Variants in OR10Z1 observed in about 807,000 individuals in gnomAD.
OR10Z1 encodes the protein olfactory receptor 10Z1.
For synonymous variants in OR10Z1, 187 were observed against 151.2 expected, an observed-to-expected ratio of 1.24 and a Z score of -1.74; for missense variants, 468 against 371.0, an observed-to-expected ratio of 1.26 and a Z score of -2.15.
In OR10Z1 at chr1:158,607,045, A is replaced by G. The variant is rs1251252048; in HGVS notation, c.607A>G (p.Ser203Gly). 2.5e-6 allele frequency: 4 copies of G among 1,613,858 alleles called. No homozygotes were observed. Among genetic ancestry groups the G allele is most frequent in the Non-Finnish European group, 3.4e-6 (4 of 1,179,958 alleles). Residue 203 changes from serine (S) to glycine (G), a missense_variant, in exon 2 of 2, where the codon AGT (serine) becomes GGT (glycine). By Grantham distance (56) the Ser-to-Gly change is moderately conservative. Coordinates refer to ENST00000641002, the MANE Select transcript of OR10Z1 (RefSeq NM_001004478.2). ...GPSELRIFIL[S>G]LLVLLVSFFF... The stretch of plus-strand genomic sequence containing the variant: ...GAGTGAGCTGAGGATCTTTATCCTC[A>G]GTCTTTTGGTCCTCTTGGTCTCCTT...
At position 158,610,960 on chromosome 1, in the gene OR10Z1, G is replaced by A; in HGVS notation, c.*3580G>A. 3.5e-6 allele frequency: 1 copy of A among 285,960 alleles called. No individual in the cohort carries two copies. The highest frequency in any genetic ancestry group is 4.5e-5 in the South Asian group (1 of 22,298). The allele number at this position is 285,960 out of a possible 1,614,324, so 17.7% of individuals were successfully genotyped here. A position where few individuals can be genotyped will look rare whatever the true frequency, so the allele number is the denominator to read the frequency against. ...TTCTATAATCGGAATAAAGCAAAAT[G>A]ATAAAGACGTGCAAAACAGAACAAA... On this transcript the variant is annotated 3_prime_UTR_variant, in exon 2 of 2. Coordinates refer to ENST00000641002, the MANE Select transcript of OR10Z1 (RefSeq NM_001004478.2).
Position 158,606,612 on chromosome 1 carries a change from C to T in OR10Z1, c.174C>T (p.Pro58=). Reference sequence around the variant, plus strand: ...GGCTGGATAGCCATCTGCACACCCCCATGTACCTCTTCCTTTCCTTCCTAT... The same window carrying T: ...GGCTGGATAGCCATCTGCACACCCCTATGTACCTCTTCCTTTCCTTCCTAT... ...AIRLDSHLHT[P]MYLFLSFLSF... Residue 58 remains proline (P), a synonymous_variant, in exon 2 of 2, where the codon CCC becomes CCT. Transcript: ENST00000641002. 1 of 1,614,088 alleles carries T rather than the reference C, an allele frequency of 6.2e-7. No homozygotes were observed. The highest frequency in any genetic ancestry group is 8.5e-7 in the Non-Finnish European group (1 of 1,179,954).
Position 158,606,531 on chromosome 1 carries a change from C to T in OR10Z1, c.93C>T (p.Phe31=). Residue 31 remains phenylalanine, a synonymous_variant, in exon 2 of 2, where the codon TTC becomes TTT. Transcript: ENST00000641002. ...GELQLLLFAL[F]LSLYLVTLTS... is the part of the protein sequence containing the mutation. ...TGCAGCTCCTTCTCTTTGCCTTGTT[C>T]CTCTCTCTGTATCTAGTCACTCTGA... 6.2e-7 allele frequency: 1 copy of T among 1,613,904 alleles called. No homozygotes were observed. The highest frequency in any genetic ancestry group is 8.5e-7 in the Non-Finnish European group (1 of 1,179,860).
At position 158,610,947 on chromosome 1, in the gene OR10Z1, A is replaced by T. The variant is rs866250197; in HGVS notation, c.*3567A>T. ...AAGAATTACTTTATTCTATAATCGG[A>T]ATAAAGCAAAATGATAAAGACGTGC... is the stretch of plus-strand genomic sequence containing the variant. On this transcript the variant is annotated 3_prime_UTR_variant, in exon 2 of 2. Coordinates refer to ENST00000641002, the MANE Select transcript of OR10Z1 (RefSeq NM_001004478.2). 23 of 272,390 alleles carry T rather than the reference A, an allele frequency of 8.4e-5. No individual in the cohort carries two copies. The highest frequency in any genetic ancestry group is 5.1e-4 in the African/African-American group (23 of 45,222). 16.9% of individuals were successfully genotyped at this position (272,390 alleles called of 1,614,324 possible).
In OR10Z1 at chr1:158,611,197, T is replaced by C; in HGVS notation, c.*3817T>C. The C allele has an allele frequency of 1.9e-6, 3 of 1,589,136 alleles. No individual in the cohort carries two copies. Among genetic ancestry groups the C allele is most frequent in the Non-Finnish European group, 2.6e-6 (3 of 1,161,032 alleles). On this transcript the variant is annotated 3_prime_UTR_variant, in exon 2 of 2. Coordinates refer to ENST00000641002, the MANE Select transcript of OR10Z1 (RefSeq NM_001004478.2). The stretch of plus-strand genomic sequence containing the variant: ...CATCTTTATCTTCCACATTTGCCTG[T>C]ACTCTTTGCCCCCCAGTAAATTTCC...
Position 158,606,499 on chromosome 1 carries a change from G to A in OR10Z1, c.61G>A (p.Gly21Arg). ...TGTCTTCCTGGGCTTCTCCAGTTCT[G>A]GGGAGTTGCAGCTCCTTCTCTTTGC... ...DFVFLGFSSS[G>R]ELQLLLFALF... The change falls in exon 2 of 2, where the codon GGG becomes AGG. Residue 21 changes from glycine (G) to arginine (R), a missense_variant. Physicochemically the swap from Gly to Arg is moderately radical, Grantham distance 125. Transcript: ENST00000641002. The A allele has an allele frequency of 1.2e-6, 2 of 1,613,940 alleles. No individual in the cohort carries two copies. Among genetic ancestry groups the A allele is most frequent in the Non-Finnish European group, 1.7e-6 (2 of 1,179,906 alleles).
chr1:158,611,501 G>T lies in OR10Z1; in HGVS notation c.*4121G>T, dbSNP rs1004935477. The T allele has an allele frequency of 4.8e-6, 6 of 1,256,294 alleles. No individual in the cohort carries two copies. In the South Asian group the frequency reaches 5.3e-5, roughly 11 times the overall value. 77.8% of individuals were successfully genotyped at this position (1,256,294 alleles called of 1,614,324 possible). A position where few individuals can be genotyped will look rare whatever the true frequency, so the allele number is the denominator to read the frequency against. ...AGGAGATGGAGAGTCTCTGGAAGAC[G>T]CAAGCCCTATTTCTATTACACACAA... On this transcript the variant is annotated 3_prime_UTR_variant, in exon 2 of 2. Transcript: ENST00000641002.
rs576803383 is a variant in OR10Z1, at chr1:158,611,335, C to T, written c.*3955C>T. The T allele has an allele frequency of 2.4e-5, 38 of 1,613,768 alleles. No homozygotes were observed. In the African/African-American group the frequency reaches 4.7e-4, roughly 20 times the overall value. ...GAGAGATGGCTTCGACCCCGTGGGT[C>T]CATATATTGCTGCATATGTGTGGCA... On this transcript the variant is annotated 3_prime_UTR_variant, in exon 2 of 2. Coordinates refer to ENST00000641002, the MANE Select transcript of OR10Z1 (RefSeq NM_001004478.2).
rs1020778274 is a variant in OR10Z1 at position 158,612,449 on chromosome 1, C to G, written c.*5069C>G. On this transcript the variant is annotated 3_prime_UTR_variant, in exon 2 of 2. Coordinates refer to ENST00000641002, the MANE Select transcript of OR10Z1 (RefSeq NM_001004478.2). Reference sequence around the variant, plus strand: ...TACAGTGTTTTTAACTTGTAAAGTTCTGTCTTCCCCACTACACCTGAATTT... The same window carrying G: ...TACAGTGTTTTTAACTTGTAAAGTTGTGTCTTCCCCACTACACCTGAATTT... The G allele has an allele frequency of 9.9e-6, 3 of 302,550 alleles. No individual in the cohort carries two copies. Among genetic ancestry groups the G allele is most frequent in the Non-Finnish European group, 1.3e-5 (2 of 156,936 alleles). 18.7% of individuals were successfully genotyped at this position (302,550 alleles called of 1,614,324 possible). A position where few individuals can be genotyped will look rare whatever the true frequency, so the allele number is the denominator to read the frequency against.
Position 158,606,906 on chromosome 1 carries a change from A to G in OR10Z1, c.468A>G (p.Gly156=), listed in dbSNP as rs773240613. 20 of 1,613,772 alleles carry G rather than the reference A, an allele frequency of 1.2e-5. No homozygotes were observed. Among genetic ancestry groups the G allele is most frequent in the Non-Finnish European group, 1.7e-5 (20 of 1,179,924 alleles). Residue 156 remains glycine, a synonymous_variant, in exon 2 of 2, where the codon GGA becomes GGG. Transcript: ENST00000641002. ...CCTTCCTGACTGGATACCTCTTTGG[A>G]CTGGGAATGACACTAGTTATTTTCC... ...ITSFLTGYLF[G]LGMTLVIFHL...
chr1:158,606,711 T>C lies in OR10Z1; in HGVS notation c.273T>C (p.Ala91=). The part of the protein sequence containing the change: ...MLSGLAGGDQ[A]ISYVGCAAQM... ...CTGGCCTGGCTGGGGGGGACCAGGC[T>C]ATCTCCTATGTGGGCTGTGCTGCCC... is the stretch of plus-strand genomic sequence containing the variant. Residue 91 remains alanine, a synonymous_variant, in exon 2 of 2, where the codon GCT becomes GCC. Coordinates refer to ENST00000641002, the MANE Select transcript of OR10Z1 (RefSeq NM_001004478.2). 1 of 1,614,112 alleles carries C rather than the reference T, an allele frequency of 6.2e-7. No individual in the cohort carries two copies. Among genetic ancestry groups the C allele is most frequent in the Non-Finnish European group, 8.5e-7 (1 of 1,179,994 alleles).
rs375334486 is a variant in OR10Z1, at chr1:158,607,148, C to G, written c.710C>G (p.Ala237Gly). The G allele has an allele frequency of 1.2e-6, 2 of 1,614,006 alleles. No individual in the cohort carries two copies. Among genetic ancestry groups the G allele is most frequent in the Admixed American group, 1.7e-5 (1 of 60,002 alleles). The change falls in exon 2 of 2, where the codon GCC becomes GGC. Residue 237 changes from alanine (A) to glycine (G), a missense_variant. Coordinates refer to ENST00000641002, the MANE Select transcript of OR10Z1 (RefSeq NM_001004478.2). ...CCCTCTGCTGAGGGGCAGAAGAAGG[C>G]CTTCTCCACTTGTGCCTCGCACCTT... Reference protein sequence around the residue: ...RIPSAEGQKKAFSTCASHLTV... With the variant: ...RIPSAEGQKKGFSTCASHLTV...
At position 158,606,887 on chromosome 1, in the gene OR10Z1, T is replaced by C. The variant is rs1649065765; in HGVS notation, c.449T>C (p.Leu150Pro). 2 of 1,613,960 alleles carry C rather than the reference T, an allele frequency of 1.2e-6. No individual in the cohort carries two copies. The part of the protein sequence containing the change: ...LCAQLVITSF[L>P]TGYLFGLGMT... ...GCCCAGCTGGTCATTACTTCCTTCCTGACTGGATACCTCTTTGGACTGGGA... is the reference window on the plus strand; with the variant it reads ...GCCCAGCTGGTCATTACTTCCTTCCCGACTGGATACCTCTTTGGACTGGGA... The change falls in exon 2 of 2, where the codon CTG becomes CCG. Residue 150 changes from leucine (L) to proline (P), a missense_variant. Physicochemically the swap from Leu to Pro is moderately conservative, Grantham distance 98. Coordinates refer to ENST00000641002, the MANE Select transcript of OR10Z1 (RefSeq NM_001004478.2).
chr1:158,607,122 C>T lies in OR10Z1; in HGVS notation c.684C>T (p.Ile228=), dbSNP rs765802175. Residue 228 remains isoleucine (I), a synonymous_variant, in exon 2 of 2, where the codon ATC becomes ATT. Coordinates refer to ENST00000641002, the MANE Select transcript of OR10Z1 (RefSeq NM_001004478.2). ...YAYILAAILR[I]PSAEGQKKAF... ...ACATCTTGGCAGCAATACTGAGGAT[C>T]CCCTCTGCTGAGGGGCAGAAGAAGG... is the stretch of plus-strand genomic sequence containing the variant. The T allele has an allele frequency of 1.2e-5, 19 of 1,613,876 alleles. No homozygotes were observed. The highest frequency in any genetic ancestry group is 1.6e-5 in the Non-Finnish European group (19 of 1,179,958).
chr1:158,611,423 AG>A lies in OR10Z1; in HGVS notation c.*4046del. 1 of 1,612,118 alleles carries A rather than the reference AG, an allele frequency of 6.2e-7. No individual in the cohort carries two copies. Among genetic ancestry groups the A allele is most frequent in the Non-Finnish European group, 8.5e-7 (1 of 1,178,818 alleles). ...TATAAAAAGAGAAAAATACAGTTAT[AG>A]GGATTCAAAATAGCTGGTTCCTTGG... On this transcript the variant is annotated 3_prime_UTR_variant, in exon 2 of 2. Transcript: ENST00000641002.
At position 158,607,034 on chromosome 1, in the gene OR10Z1, T is replaced by C; in HGVS notation, c.596T>C (p.Ile199Thr). The C allele has an allele frequency of 6.2e-7, 1 of 1,614,010 alleles. No individual in the cohort carries two copies. The highest frequency in any genetic ancestry group is 8.5e-7 in the Non-Finnish European group (1 of 1,179,980). Residue 199 changes from isoleucine (I) to threonine (T), a missense_variant, in exon 2 of 2, where the codon ATC becomes ACC. By Grantham distance (89) the Ile-to-Thr change is moderately conservative (BLOSUM62 -1). Coordinates refer to ENST00000641002, the MANE Select transcript of OR10Z1 (RefSeq NM_001004478.2). Reference protein sequence around the residue: ...CGDTGPSELRIFILSLLVLLV... With the variant: ...CGDTGPSELRTFILSLLVLLV... The stretch of plus-strand genomic sequence containing the variant: ...GATACAGGCCCGAGTGAGCTGAGGA[T>C]CTTTATCCTCAGTCTTTTGGTCCTC...
At position 158,606,834 on chromosome 1, in the gene OR10Z1, T is replaced by C. The variant is rs1256664314; in HGVS notation, c.396T>C (p.Tyr132=). Reference sequence around the variant, plus strand: ...TGGCCATCTGTGCTCCACTCCACTATGCCAGCCACATGAATCCTACCCTCT... The same window carrying C: ...TGGCCATCTGTGCTCCACTCCACTACGCCAGCCACATGAATCCTACCCTCT... ...RYVAICAPLH[Y]ASHMNPTLCA... is the part of the protein sequence containing the mutation. Residue 132 remains tyrosine (Y), a synonymous_variant, in exon 2 of 2, where the codon TAT becomes TAC. Transcript: ENST00000641002. 3 of 1,613,912 alleles carry C rather than the reference T, an allele frequency of 1.9e-6. No homozygotes were observed. The highest frequency in any genetic ancestry group is 2.5e-6 in the Non-Finnish European group (3 of 1,179,996).
In OR10Z1 at chr1:158,607,155, C is replaced by T. The variant is rs866099849; in HGVS notation, c.717C>T (p.Ser239=). Residue 239 remains serine (S), a synonymous_variant, in exon 2 of 2, where the codon TCC becomes TCT. Coordinates refer to ENST00000641002, the MANE Select transcript of OR10Z1 (RefSeq NM_001004478.2). The part of the protein sequence containing the change: ...PSAEGQKKAF[S]TCASHLTVVI... ...CTGAGGGGCAGAAGAAGGCCTTCTC[C>T]ACTTGTGCCTCGCACCTTACAGTGG... is the stretch of plus-strand genomic sequence containing the variant. The T allele has an allele frequency of 4.3e-6, 7 of 1,614,066 alleles. No individual in the cohort carries two copies. The Middle Eastern group carries it at 9.9e-4, about 228-fold the overall frequency.
rs1052942495 is a variant in OR10Z1, at chr1:158,606,910, G to A, written c.472G>A (p.Gly158Arg). 6.2e-7 allele frequency: 1 copy of A among 1,613,974 alleles called. No individual in the cohort carries two copies. The highest frequency in any genetic ancestry group is 8.5e-7 in the Non-Finnish European group (1 of 1,179,966). Residue 158 changes from glycine to arginine, a missense_variant, in exon 2 of 2, where the codon GGA (glycine) becomes AGA (arginine). Coordinates refer to ENST00000641002, the MANE Select transcript of OR10Z1 (RefSeq NM_001004478.2). The stretch of plus-strand genomic sequence containing the variant: ...CCTGACTGGATACCTCTTTGGACTG[G>A]GAATGACACTAGTTATTTTCCACCT... The part of the protein sequence containing the change: ...SFLTGYLFGL[G>R]MTLVIFHLSF...
Sources: allele counts gnomAD v4.1 joint callset, GRCh38; gene constraint gnomAD v4.1.1; transcripts MANE v1.5; gene names NCBI Gene and HGNC (gene_info 2026-07-23, HGNC 2026-07-21).